IFT88: variants seen among roughly 807,000 people sequenced by gnomAD.
IFT88 encodes the protein intraflagellar transport 88, also known as intraflagellar transport protein 88 homolog.
IFT88 carries 74 observed loss-of-function variants against 119.5 expected under a neutral mutation model. The observed-to-expected ratio is 0.62, with a 90% confidence interval of 0.51 to 0.75. The LOEUF (loss-of-function observed/expected upper bound fraction) is 0.75, where lower values mean the gene tolerates loss of function less well. IFT88 is among the 30% of genes least tolerant of loss of function. The pLI, the probability that IFT88 is intolerant of heterozygous loss-of-function variation, is 0.00. For synonymous variants in IFT88, 279 were observed against 316.7 expected (o/e 0.88, Z 1.26); for missense variants, 961 against 977.7 (o/e 0.98, Z 0.23).
intron 24 of IFT88, among the ~76,000 whole-genome samples, chr13:20,676,115 T>A (rs987985026): frequency 6.6e-6 from 1 of 152,214 alleles, no homozygotes; most frequent in Admixed American, 6.5e-5. Flanking sequence ...ACAGAGCATA[T>A]GATGAGATTT....
intron 14 of IFT88, among the ~76,000 whole-genome samples, chr13:20,624,701 C>T (rs1331942264): frequency 6.6e-6 from 1 of 152,108 alleles, no homozygotes; most frequent in East Asian, 1.9e-4. Context: ...ATAATTAGTT[C>T]AGTCCATCAT....
At chr13:20,681,695 G>A (rs145333152) in intron 24 of IFT88, among the ~76,000 whole-genome samples, 3 of 152,340 alleles carry the variant, frequency 2.0e-5, no homozygotes, top group East Asian at 1.9e-4. Context: ...GGTAAATAAA[G>A]TCATCAGTTG....
intron 2 of IFT88, among the ~76,000 whole-genome samples, chr13:20,576,883 T>C (rs1214197601): frequency 1.3e-5 from 2 of 152,200 alleles, no homozygotes; most frequent in East Asian, 3.8e-4. Flanking sequence ...TAGGATGTTT[T>C]CTTCTGTTTC....
chr13:20,678,766 A>G (rs999609175), intron 24 of IFT88, among the ~76,000 whole-genome samples: 3 of 152,042 alleles, frequency 2.0e-5, no homozygotes, highest in Admixed American at 2.0e-4. Context: ...TGCTACCAGC[A>G]TGTCTCCCTT....
chr13:20,571,867 T>G (rs2036423587), intron 1 of IFT88, among the ~76,000 whole-genome samples: 1 of 152,178 alleles, frequency 6.6e-6, no homozygotes, highest in Non-Finnish European at 1.5e-5. Context: ...GCAGCCAGTT[T>G]CAGCAGCCAG....
intron 2 of IFT88, among the ~76,000 whole-genome samples, chr13:20,580,145 A>G (rs1442752232): frequency 6.6e-6 from 1 of 152,230 alleles, no homozygotes; most frequent in African/African-American, 2.4e-5. Flanking sequence ...CAACTACATC[A>G]TAAGCAGTGT....
intron 13 of IFT88, among the ~76,000 whole-genome samples, chr13:20,612,980 T>C (rs2044854262): frequency 6.6e-6 from 1 of 152,008 alleles, no homozygotes; most frequent in Admixed American, 6.5e-5. Flanking sequence ...GAGCTAAAAC[T>C]ATAAAATTGT....
At chr13:20,573,523 TG>T (rs2036793847) in intron 1 of IFT88, among the ~76,000 whole-genome samples, 1 of 152,228 alleles carries the variant, frequency 6.6e-6, no homozygotes, top group African/African-American at 2.4e-5. Flanking sequence ...CAAATCTTTT[TG>T]TAGACATATG....
At chr13:20,584,495 CA>C (rs917056227) in intron 3 of IFT88, among the ~76,000 whole-genome samples, 2 of 152,100 alleles carry the variant, frequency 1.3e-5, no homozygotes, top group African/African-American at 4.8e-5. Flanking sequence ...ATTGATCCCT[CA>C]AAACATTGGG....
intron 13 of IFT88, chr13:20,608,034 C>A: frequency 1.8e-6 from 1 of 559,370 alleles, no homozygotes; most frequent in South Asian, 1.7e-5. Flanking sequence ...GAAGCCCCAC[C>A]AATGGCCTCC....
intron 14 of IFT88, among the ~76,000 whole-genome samples, chr13:20,624,779 G>A (rs1287424468): frequency 6.6e-6 from 1 of 152,126 alleles, no homozygotes; most frequent in Non-Finnish European, 1.5e-5. Context: ...GCTCAGGCTG[G>A]AGTGCAGTGA....
At chr13:20,626,578 T>C (rs1283711265) in intron 15 of IFT88, among the ~76,000 whole-genome samples, 1 of 152,184 alleles carries the variant, frequency 6.6e-6, no homozygotes, top group Non-Finnish European at 1.5e-5. Context: ...TGTGTTTGGT[T>C]TCCTCATTGA....
chr13:20,599,767 T>C (rs927656597), intron 11 of IFT88, among the ~76,000 whole-genome samples: 1 of 152,136 alleles, frequency 6.6e-6, no homozygotes. Flanking sequence ...GCATTGTATA[T>C]GATCATATGA....
chr13:20,626,768 A>C (rs1001372678), intron 15 of IFT88, among the ~76,000 whole-genome samples: 1 of 152,208 alleles, frequency 6.6e-6, no homozygotes, highest in Non-Finnish European at 1.5e-5. Flanking sequence ...GACAGGTGTA[A>C]GAAAGAGGGA....
chr13:20,641,332 A>G lies in IFT88; in HGVS notation c.1616A>G (p.Asp539Gly). The G allele has an allele frequency of 6.2e-7, 1 of 1,612,638 alleles. No homozygotes were observed. The highest frequency in any genetic ancestry group is 1.1e-5 in the South Asian group (1 of 90,896). The change falls in exon 18 of 26, where the codon GAC becomes GGC. Residue 539 changes from aspartate (D) to glycine (G), a missense_variant. Coordinates refer to ENST00000351808, the MANE Select transcript of IFT88 (RefSeq NM_006531.5). The part of the protein sequence containing the change: ...EKLNRLDEAL[D>G]CFLKLHAILR... ...CTAAATCGGCTAGATGAGGCTTTGG[A>G]CTGTTTCCTGAAACTTCACGCAATC...
chr13:20,658,083 G>A (rs2053156788), intron 22 of IFT88, among the ~76,000 whole-genome samples: 2 of 151,974 alleles, frequency 1.3e-5, no homozygotes, highest in African/African-American at 2.4e-5. Context: ...AGGCTACATG[G>A]GAATTAATTC....
chr13:20,645,294 T>G (rs1176167885), intron 20 of IFT88, among the ~76,000 whole-genome samples: 1 of 152,132 alleles, frequency 6.6e-6, no homozygotes, highest in African/African-American at 2.4e-5. Flanking sequence ...TACACCATGT[T>G]GGCCAGGCTG....
chr13:20,654,304 A>G (rs902361100), intron 21 of IFT88, among the ~76,000 whole-genome samples: 1 of 152,192 alleles, frequency 6.6e-6, no homozygotes, highest in African/African-American at 2.4e-5. Context: ...GACACTTGAG[A>G]AGCCTGAGAA....
chr13:20,649,693 T>C (rs1203059694), intron 20 of IFT88, among the ~76,000 whole-genome samples: 1 of 151,654 alleles, frequency 6.6e-6, no homozygotes, highest in Non-Finnish European at 1.5e-5. Flanking sequence ...GTAGAGAAAA[T>C]CAACAAAACC....
Sources: allele counts gnomAD v4.1 joint callset (sites outside exome capture counted in the v4.1 genomes callset), GRCh38; gene constraint gnomAD v4.1.1; transcripts MANE v1.5; gene names NCBI Gene and HGNC (gene_info 2026-07-23, HGNC 2026-07-21).